The following NCKAP5 variants were observed in gnomAD, a reference collection of about 807,000 sequenced individuals.
NCKAP5 encodes the protein nck-associated protein 5.
A neutral mutation model predicts 167.0 loss-of-function variants in NCKAP5; 92 were observed. The observed-to-expected ratio is 0.55, with a 90% CI of 0.47 to 0.66. The LOEUF is 0.66. Ranked by LOEUF, NCKAP5 falls within the 30% of genes least tolerant of loss-of-function variation. The probability of loss-of-function intolerance (pLI) is 0.00; values close to 1 mark genes in which losing one functional copy is unlikely to be tolerated. For synonymous variants in NCKAP5, 891 were observed against 877.4 expected (o/e 1.02, Z -0.27); for missense variants, 2,378 against 2,315.0 (o/e 1.03, Z -0.56).
At chr2:133,441,074 C>A (rs1297138183) in intron 3 of NCKAP5, among the ~76,000 whole-genome samples, 1 of 125,098 alleles carries the variant, frequency 8.0e-6, no homozygotes, top group South Asian at 2.7e-4. Flanking sequence ...ACAGCTCTCA[C>A]ACCCTACAGA....
At chr2:133,040,281 T>C (rs1037698584) in intron 6 of NCKAP5, among the ~76,000 whole-genome samples, 2 of 152,146 alleles carry the variant, frequency 1.3e-5, no homozygotes, top group Admixed American at 1.3e-4. Flanking sequence ...ATTAGGTTGG[T>C]GCAAAAGTAA....
Position 133,498,480 on chromosome 2 carries a change from A to AAGGAAGGAAGGC in NCKAP5, c.69+18977_69+18978insGCCTTCCTTCCT, listed in dbSNP as rs1310524686. Reference sequence around the variant, plus strand: ...GAAGGAAGGAAGGAAGGAAGGAAGGAAGGCAGGCAGGCAGGCAGGCAGGCA... The same window carrying AAGGAAGGAAGGC: ...GAAGGAAGGAAGGAAGGAAGGAAGGAAGGAAGGAAGGCAGGCAGGCAGGCAGGCAGGCAGGCA... On this transcript the variant is annotated intron_variant, in intron 3 of 19. Coordinates refer to ENST00000409261, the MANE Select transcript of NCKAP5 (RefSeq NM_207363.3). 1.9e-3 allele frequency among the ~76,000 whole-genome samples: 193 copies of AAGGAAGGAAGGC among 101,758 alleles called. 1 individual carries two copies. The highest frequency in any genetic ancestry group is 4.3e-3 in the African/African-American group (88 of 20,380). 66.8% of individuals were successfully genotyped at this position (101,758 alleles called of 152,430 possible).
chr2:132,779,833 C>G (rs1000666842), intron 15 of NCKAP5, among the ~76,000 whole-genome samples: 5 of 152,122 alleles, frequency 3.3e-5, no homozygotes, highest in Admixed American at 2.6e-4. Context: ...TTAAAATCTC[C>G]TCTACTCTTG....
At chr2:132,915,565 C>T (rs1013154753) in intron 8 of NCKAP5, 2 of 152,132 alleles carry the variant, frequency 1.3e-5, no homozygotes, top group Non-Finnish European at 2.9e-5. Context: ...AGAATACAGC[C>T]CACTGGTTGG....
intron 8 of NCKAP5, among the ~76,000 whole-genome samples, chr2:132,917,644 A>C (rs1694989642): frequency 6.6e-6 from 1 of 152,184 alleles, no homozygotes; most frequent in Non-Finnish European, 1.5e-5. Context: ...CTTTGACTTT[A>C]TTGGCTGCAG....
intron 6 of NCKAP5, among the ~76,000 whole-genome samples, chr2:133,100,491 GC>G (rs757555293): frequency 2.0e-5 from 3 of 152,146 alleles, no homozygotes; most frequent in Non-Finnish European, 4.4e-5. Flanking sequence ...CTGGGACTGA[GC>G]CCCGGACTCC....
At chr2:133,024,901 A>AC (rs958179431) in intron 6 of NCKAP5, among the ~76,000 whole-genome samples, 1 of 152,170 alleles carries the variant, frequency 6.6e-6, no homozygotes, top group Non-Finnish European at 1.5e-5. Context: ...TTGCAAAGAG[A>AC]CCCACCACAC....
At chr2:133,341,284 A>AT (rs11362448) in intron 3 of NCKAP5, among the ~76,000 whole-genome samples, 39,291 of 145,672 alleles carry the variant, frequency 0.27, 5,258 homozygotes, top group African/African-American at 0.29. Flanking sequence ...AAGTGAGCAG[A>AT]TTTTTTTTTT....
intron 11 of NCKAP5, among the ~76,000 whole-genome samples, chr2:132,845,348 C>T (rs1688585108): frequency 6.6e-6 from 1 of 151,856 alleles, no homozygotes; most frequent in South Asian, 2.1e-4. Flanking sequence ...GGTTTTATGC[C>T]TTGCTTGAGA....
chr2:133,288,572 T>A (rs1679333772), intron 4 of NCKAP5, among the ~76,000 whole-genome samples: 1 of 142,930 alleles, frequency 7.0e-6, no homozygotes, highest in Non-Finnish European at 1.5e-5. Context: ...ACAATTAACT[T>A]TTTTTTTTTT....
chr2:133,316,863 C>T (rs1681644569), intron 3 of NCKAP5, among the ~76,000 whole-genome samples: 1 of 152,184 alleles, frequency 6.6e-6, no homozygotes, highest in Non-Finnish European at 1.5e-5. Flanking sequence ...TATTAAGCAG[C>T]TGAACACTGT....
At chr2:133,572,625 G>C (rs1575173880), upstream of NCKAP5, among the ~76,000 whole-genome samples, 1 of 152,198 alleles carries the variant, frequency 6.6e-6, no homozygotes, top group Non-Finnish European at 1.5e-5. Flanking sequence ...GTCTGCTGCA[G>C]TACCTGTGTC....
In NCKAP5 at chr2:132,985,567, CA is replaced by C. The variant is rs544314250; in HGVS notation, c.429+8584del. On this transcript the variant is annotated intron_variant, in intron 7 of 19. Coordinates refer to ENST00000409261, the MANE Select transcript of NCKAP5 (RefSeq NM_207363.3). ...AGGAAGATTCATCTTGTTTGAAAGA[CA>C]TTATTTTTGACTGACCTGAATCTAA... Among the ~76,000 whole-genome samples the C allele has an allele frequency of 2.0e-4, 30 of 152,294 alleles. 1 individual carries two copies. In the South Asian group the frequency reaches 6.0e-3, roughly 31 times the overall value.
intron 3 of NCKAP5, among the ~76,000 whole-genome samples, chr2:133,462,088 A>G (rs1452107399): frequency 6.6e-6 from 1 of 152,182 alleles, no homozygotes; most frequent in Non-Finnish European, 1.5e-5. Flanking sequence ...TAGGGAATGT[A>G]TTTGCTTTTG....
intron 6 of NCKAP5, among the ~76,000 whole-genome samples, chr2:133,009,458 G>A (rs2078079196): frequency 1.3e-5 from 2 of 151,970 alleles, no homozygotes; most frequent in African/African-American, 4.8e-5. Flanking sequence ...CGTATTAGAT[G>A]CTGAAAAATA....
At chr2:133,214,677 A>T (rs957152160) in intron 4 of NCKAP5, among the ~76,000 whole-genome samples, 4 of 152,124 alleles carry the variant, frequency 2.6e-5, no homozygotes, top group African/African-American at 9.7e-5. Context: ...ATTAGATGTC[A>T]TAGGGGTAAG....
intron 3 of NCKAP5, among the ~76,000 whole-genome samples, chr2:133,459,914 A>C (rs1692097318): frequency 1.3e-5 from 2 of 152,228 alleles, no homozygotes; most frequent in African/African-American, 4.8e-5. Context: ...TACTTTAAAT[A>C]TCAAGTTCAG....
intron 19 of NCKAP5, among the ~76,000 whole-genome samples, chr2:132,684,787 G>A (rs563381270): frequency 2.3e-4 from 35 of 152,288 alleles, no homozygotes; most frequent in African/African-American, 8.4e-4. Context: ...ATAGATGGAC[G>A]AATATGCTAT....
At chr2:133,030,899 G>C (rs1019915808) in intron 6 of NCKAP5, among the ~76,000 whole-genome samples, 4 of 152,014 alleles carry the variant, frequency 2.6e-5, no homozygotes, top group Non-Finnish European at 5.9e-5. Flanking sequence ...GCCTTCCTTG[G>C]CTTGTGGCTG....
Sources: gnomAD v4.1 joint callset for allele counts (sites outside exome capture counted in the v4.1 genomes callset) on GRCh38, gnomAD v4.1.1 for gene constraint, MANE v1.5 for transcripts, NCBI Gene and HGNC (gene_info 2026-07-23, HGNC 2026-07-21) for gene names.